Variants in MBD5 observed in about 807,000 individuals in gnomAD.
The protein encoded by MBD5 is methyl-CpG binding domain protein 5.
Under a neutral mutation model 117.3 loss-of-function variants are expected in MBD5, and 13 were observed. The observed-to-expected ratio is 0.11, with a 90% CI of 0.07 to 0.18. MBD5 has a LOEUF of 0.18. MBD5 is among the 10% of genes least tolerant of loss of function. The pLI is 1.00. For missense variants in MBD5, 1,879 were observed against 2,093.8 expected, an observed-to-expected ratio of 0.90 and a Z score of 2.00; for synonymous variants, 727 against 766.4, an observed-to-expected ratio of 0.95 and a Z score of 0.85.
chr2:148,192,967 A>C (rs1698875214), intron 2 of MBD5, among the ~76,000 whole-genome samples: 1 of 84,844 alleles, frequency 1.2e-5, no homozygotes, highest in African/African-American at 4.2e-5. Context: ...CACCAACAAC[A>C]GACAAACAGA....
chr2:148,245,492 G>C (rs563573822), intron 3 of MBD5, among the ~76,000 whole-genome samples: 1 of 152,218 alleles, frequency 6.6e-6, no homozygotes, highest in Non-Finnish European at 1.5e-5. Context: ...AGCTACTCAG[G>C]AGGCTGCAGT....
chr2:148,205,702 A>G (rs1361456006), intron 2 of MBD5, among the ~76,000 whole-genome samples: 1 of 152,174 alleles, frequency 6.6e-6, no homozygotes, highest in Non-Finnish European at 1.5e-5. Flanking sequence ...AATAGGATAA[A>G]CAGTACCAAT....
intron 13 of MBD5, among the ~76,000 whole-genome samples, chr2:148,510,998 G>T (rs573973661): frequency 6.6e-6 from 1 of 152,272 alleles, no homozygotes; most frequent in East Asian, 1.9e-4. Context: ...TGCCAGTGAA[G>T]ATCCATGGGT....
intron 3 of MBD5, among the ~76,000 whole-genome samples, chr2:148,237,923 G>C (rs1399715756): frequency 6.6e-6 from 1 of 152,046 alleles, no homozygotes; most frequent in Non-Finnish European, 1.5e-5. Flanking sequence ...CCCCCAATTT[G>C]TATATCTTTA....
At chr2:148,447,024 C>T (rs191260699) in intron 4 of MBD5, among the ~76,000 whole-genome samples, 2 of 145,600 alleles carry the variant, frequency 1.4e-5, no homozygotes, top group Admixed American at 1.4e-4. Context: ...GAGACAATGA[C>T]AATGTGATAT....
At chr2:148,446,251 T>A (rs1706515499) in intron 4 of MBD5, among the ~76,000 whole-genome samples, 1 of 152,018 alleles carries the variant, frequency 6.6e-6, no homozygotes, top group Non-Finnish European at 1.5e-5. Flanking sequence ...TCTTCTAGGG[T>A]TTTTATGGTT....
At chr2:148,315,942 C>G (rs997274732) in intron 3 of MBD5, among the ~76,000 whole-genome samples, 3 of 152,200 alleles carry the variant, frequency 2.0e-5, no homozygotes, top group African/African-American at 7.2e-5. Context: ...TTGATTGACT[C>G]ACAGTTCCAT....
chr2:148,389,276 ATATATATATATATATATATATATATAT>A (rs1704487268), intron 4 of MBD5, among the ~76,000 whole-genome samples: 1 of 86,696 alleles, frequency 1.2e-5, no homozygotes, highest in South Asian at 4.2e-4. Context: ...ATATATATAT[ATATATATATATATATATATATATATAT>A]AACATTTTCT....
At chr2:148,182,077 A>G (rs777259940) in intron 2 of MBD5, among the ~76,000 whole-genome samples, 7 of 152,076 alleles carry the variant, frequency 4.6e-5, no homozygotes, top group Non-Finnish European at 8.8e-5. Context: ...CTCTGGAACT[A>G]TGTTAACGAG....
At chr2:148,375,150 G>T (rs900531064) in intron 4 of MBD5, among the ~76,000 whole-genome samples, 6 of 152,132 alleles carry the variant, frequency 3.9e-5, no homozygotes, top group African/African-American at 1.4e-4. Flanking sequence ...TGGTTTCATA[G>T]CATATCTTAG....
intron 3 of MBD5, among the ~76,000 whole-genome samples, chr2:148,334,138 C>T (rs141429978): frequency 5.4e-4 from 82 of 152,026 alleles, no homozygotes; most frequent in African/African-American, 1.7e-3. Flanking sequence ...ATCTCACTTC[C>T]GTAAGCACTG....
intron 1 of MBD5, among the ~76,000 whole-genome samples, chr2:148,119,347 T>G (rs939881697): frequency 2.0e-5 from 3 of 152,182 alleles, no homozygotes; most frequent in African/African-American, 7.2e-5. Context: ...TTTGTGCAAT[T>G]TTTAATTGAA....
intron 4 of MBD5, among the ~76,000 whole-genome samples, chr2:148,444,645 C>T (rs1183571782): frequency 1.3e-5 from 2 of 151,230 alleles, no homozygotes; most frequent in Admixed American, 1.3e-4. Context: ...CTCCCACTAA[C>T]CTTTTCTTTG....
chr2:148,124,072 A>T (rs1217958473), intron 1 of MBD5, among the ~76,000 whole-genome samples: 1 of 152,188 alleles, frequency 6.6e-6, no homozygotes, highest in Non-Finnish European at 1.5e-5. Flanking sequence ...TGAGGGCAGG[A>T]GTTCGAGATC....
chr2:148,306,449 A>C (rs886576784), intron 3 of MBD5, among the ~76,000 whole-genome samples: 2 of 152,244 alleles, frequency 1.3e-5, no homozygotes, highest in Non-Finnish European at 2.9e-5. Flanking sequence ...TAATAAAAAC[A>C]TATTTTATTG....
At chr2:148,122,332 T>C (rs1696788887) in intron 1 of MBD5, among the ~76,000 whole-genome samples, 1 of 152,174 alleles carries the variant, frequency 6.6e-6, no homozygotes, top group Non-Finnish European at 1.5e-5. Flanking sequence ...ATTATAGAGA[T>C]TTGTGGAAGT....
At chr2:148,179,598 C>T (rs1698474336) in intron 2 of MBD5, among the ~76,000 whole-genome samples, 1 of 152,076 alleles carries the variant, frequency 6.6e-6, no homozygotes, top group Admixed American at 6.6e-5. Flanking sequence ...ATCATGGCTC[C>T]CCCAAAATTT....
intron 1 of MBD5, among the ~76,000 whole-genome samples, chr2:148,151,473 G>A (rs1697664815): frequency 6.6e-6 from 1 of 152,188 alleles, no homozygotes; most frequent in African/African-American, 2.4e-5. Context: ...AGTTAGGGAG[G>A]ATTCCCTCTT....
chr2:148,228,728 C>A (rs1699904340), intron 2 of MBD5, among the ~76,000 whole-genome samples: 1 of 152,132 alleles, frequency 6.6e-6, no homozygotes, highest in South Asian at 2.1e-4. Flanking sequence ...GGCTGTGAAT[C>A]CATCTGGTCC....
Sources: allele counts gnomAD v4.1 joint callset (sites outside exome capture counted in the v4.1 genomes callset), GRCh38; gene constraint gnomAD v4.1.1; transcripts MANE v1.5; gene names NCBI Gene and HGNC (gene_info 2026-07-23, HGNC 2026-07-21).